Variants in TTC27 observed in about 807,000 individuals in gnomAD.
TTC27 encodes tetratricopeptide repeat domain 27, also known as tetratricopeptide repeat protein 27.
A neutral mutation model predicts 115.9 loss-of-function variants in TTC27; 79 were observed. That is an observed-to-expected ratio of 0.68 (90% CI 0.57 to 0.82). The LOEUF (loss-of-function observed/expected upper bound fraction) is 0.82, where lower values mean the gene tolerates loss of function less well. TTC27 is among the 40% of genes least tolerant of loss of function. The pLI, the probability that TTC27 is intolerant of heterozygous loss-of-function variation, is 0.00. For synonymous variants in TTC27, 401 were observed against 356.0 expected (o/e 1.13, Z -1.42); for missense variants, 1,054 against 993.1 (o/e 1.06, Z -0.82).
intron 9 of TTC27, among the ~76,000 whole-genome samples, chr2:32,691,259 A>C (rs1468067230): frequency 6.6e-6 from 1 of 151,908 alleles, no homozygotes; most frequent in Non-Finnish European, 1.5e-5. Context: ...TAAAATAGTA[A>C]GTCCTTCTTA....
chr2:32,772,544 C>T (rs1669863611), intron 13 of TTC27, among the ~76,000 whole-genome samples: 2 of 152,104 alleles, frequency 1.3e-5, no homozygotes, highest in Non-Finnish European at 2.9e-5. Flanking sequence ...TCAATAAATT[C>T]CATGAGACAC....
At chr2:32,753,406 A>ACTC (rs1669083707) in intron 12 of TTC27, among the ~76,000 whole-genome samples, 1 of 142,470 alleles carries the variant, frequency 7.0e-6, no homozygotes, top group African/African-American at 2.6e-5. Flanking sequence ...ACTAAAGCAT[A>ACTC]CTCGGTTAAT....
chr2:32,677,815 G>C (rs1666270573), intron 8 of TTC27, among the ~76,000 whole-genome samples: 1 of 152,200 alleles, frequency 6.6e-6, no homozygotes. Context: ...CAAGATCTAA[G>C]AATGCCCATT....
chr2:32,786,947 T>C, intron 15 of TTC27, 37 bp from the exon 16 acceptor site: 1 of 1,536,240 alleles, frequency 6.5e-7, no homozygotes, highest in South Asian at 1.2e-5. Context: ...AAAAAAAGAG[T>C]TCATTATTGC....
chr2:32,646,281 G>C (rs1423513960), intron 4 of TTC27, among the ~76,000 whole-genome samples: 3 of 151,876 alleles, frequency 2.0e-5, no homozygotes, highest in Admixed American at 6.6e-5. Context: ...ACCTGCCTTG[G>C]CCTCCCACAG....
intron 8 of TTC27, among the ~76,000 whole-genome samples, chr2:32,672,636 A>G (rs1666053108): frequency 6.6e-6 from 1 of 152,250 alleles, no homozygotes. Flanking sequence ...AGCTAGGAAT[A>G]GATTATTAAT....
rs376565742 is a variant in TTC27, at chr2:32,815,080, G to GTA, written c.2309-2374_2309-2373dup. 1.2e-4 allele frequency among the ~76,000 whole-genome samples: 19 copies of GTA among 152,130 alleles called. No individual in the cohort carries two copies. In the East Asian group the frequency reaches 3.7e-3, roughly 29 times the overall value. On this transcript the variant is annotated intron_variant, in intron 18 of 19. Transcript: ENST00000317907. ...TGTGCTCATTTGTATTGTCTGGAAG[G>GTA]TATACATTTATAGTTTCTGCTATTT...
intron 13 of TTC27, among the ~76,000 whole-genome samples, chr2:32,761,059 G>A (rs1209262145): frequency 2.0e-5 from 3 of 151,936 alleles, no homozygotes; most frequent in Non-Finnish European, 4.4e-5. Context: ...CCCTGAACTC[G>A]ACGCCAGTAC....
chr2:32,675,214 T>C, intron 8 of TTC27, among the ~76,000 whole-genome samples: 1 of 152,132 alleles, frequency 6.6e-6, no homozygotes, highest in Admixed American at 6.6e-5. Context: ...GAGTGGCAAT[T>C]AGGATGTGAA....
intron 4 of TTC27, among the ~76,000 whole-genome samples, chr2:32,641,285 G>A (rs1013428093): frequency 2.6e-5 from 4 of 152,312 alleles, no homozygotes; most frequent in Middle Eastern, 6.8e-3. Flanking sequence ...TGTCAGCCAC[G>A]CAGTGTGCAG....
rs141110320 is a variant in TTC27 at position 32,698,178 on chromosome 2, G to A, written c.1120-4629G>A. Among the ~76,000 whole-genome samples, 747 of 152,170 alleles carry A rather than the reference G, an allele frequency of 4.9e-3. 4 individuals are homozygous for A. Among genetic ancestry groups the A allele is most frequent in the Middle Eastern group, 0.048 (14 of 294 alleles). ...ACAGGGTCTCACTCTGTTCAGCCCA[G>A]ACTGGAGTGCAGTAGTGTGATCATG... On this transcript the variant is annotated intron_variant, in intron 9 of 19. Coordinates refer to ENST00000317907, the MANE Select transcript of TTC27 (RefSeq NM_017735.5).
At chr2:32,730,545 AT>A (rs1461526582) in intron 10 of TTC27, among the ~76,000 whole-genome samples, 24 of 107,804 alleles carry the variant, frequency 2.2e-4, no homozygotes, top group African/African-American at 8.7e-4. Flanking sequence ...AAATTAGCAA[AT>A]TAAAAAAAAA....
intron 9 of TTC27, among the ~76,000 whole-genome samples, chr2:32,698,180 C>T (rs1667057753): frequency 6.6e-6 from 1 of 152,160 alleles, no homozygotes; most frequent in Non-Finnish European, 1.5e-5. Flanking sequence ...TCAGCCCAGA[C>T]TGGAGTGCAG....
At chr2:32,636,299 T>C (rs930043232) in intron 3 of TTC27, among the ~76,000 whole-genome samples, 4 of 152,120 alleles carry the variant, frequency 2.6e-5, no homozygotes, top group African/African-American at 9.7e-5. Flanking sequence ...CTGCAGTCTC[T>C]GCCTCCCGGG....
At chr2:32,762,573 G>A (rs1357501084) in intron 13 of TTC27, among the ~76,000 whole-genome samples, 1 of 152,062 alleles carries the variant, frequency 6.6e-6, no homozygotes, top group Non-Finnish European at 1.5e-5. Context: ...CTGGCTGTAG[G>A]AGATTCTAGA....
At position 32,733,943 on chromosome 2, in the gene TTC27, T is replaced by A; in HGVS notation, c.1329+20T>A. On this transcript the variant is annotated intron_variant, in intron 11 of 19. Coordinates refer to ENST00000317907, the MANE Select transcript of TTC27 (RefSeq NM_017735.5). ...ATTCAGGTATTTCTGTTGTTTGTCA[T>A]TGGGTATGGAAATTACTTGGCATTA... is the stretch of plus-strand genomic sequence containing the variant. The A allele has an allele frequency of 3.9e-6, 6 of 1,555,088 alleles. No homozygotes were observed. The highest frequency in any genetic ancestry group is 5.3e-6 in the Non-Finnish European group (6 of 1,132,532).
At chr2:32,712,863 A>C (rs1667630104) in intron 10 of TTC27, among the ~76,000 whole-genome samples, 1 of 152,182 alleles carries the variant, frequency 6.6e-6, no homozygotes, top group Admixed American at 6.5e-5. Context: ...TCTTATATTC[A>C]ACATTTTATC....
chr2:32,770,872 T>C (rs1220923088), intron 13 of TTC27, among the ~76,000 whole-genome samples: 1 of 152,210 alleles, frequency 6.6e-6, no homozygotes, highest in Non-Finnish European at 1.5e-5. Flanking sequence ...CTTGAGGATG[T>C]TGGAACTCAC....
chr2:32,798,531 G>A (rs1388975839), intron 16 of TTC27, among the ~76,000 whole-genome samples: 1 of 151,602 alleles, frequency 6.6e-6, no homozygotes, highest in East Asian at 1.9e-4. Context: ...GTGAAGCCCT[G>A]TCTCTACTAA....
Sources: gnomAD v4.1 joint callset for allele counts (sites outside exome capture counted in the v4.1 genomes callset) on GRCh38, gnomAD v4.1.1 for gene constraint, MANE v1.5 for transcripts, NCBI Gene and HGNC (gene_info 2026-07-23, HGNC 2026-07-21) for gene names.